The following SPATA9 variants were observed in gnomAD, a reference collection of about 807,000 sequenced individuals.
SPATA9 encodes the protein spermatogenesis associated 9.
SPATA9 carries 27 observed loss-of-function variants against 25.5 expected under a neutral mutation model. The observed-to-expected ratio is 1.06, with a 90% CI of 0.78 to 1.46. The LOEUF is 1.46. Among genes scored for constraint, SPATA9 ranks in the 40% most tolerant of loss-of-function variants. The probability of loss-of-function intolerance (pLI) is 0.00; values close to 1 mark genes in which losing one functional copy is unlikely to be tolerated. For synonymous variants in SPATA9, 102 were observed against 105.7 expected, an observed-to-expected ratio of 0.97 and a Z score of 0.21; for missense variants, 282 against 297.5, an observed-to-expected ratio of 0.95 and a Z score of 0.38.
At chr5:95,677,311 A>G (rs1753028537) in intron 2 of SPATA9, among the ~76,000 whole-genome samples, 1 of 152,222 alleles carries the variant, frequency 6.6e-6, no homozygotes, top group South Asian at 2.1e-4. Flanking sequence ...CTGGCATGTA[A>G]TACGCACTCT....
intron 3 of SPATA9, among the ~76,000 whole-genome samples, chr5:95,673,231 G>A (rs914386546): frequency 6.6e-6 from 1 of 152,198 alleles, no homozygotes; most frequent in Non-Finnish European, 1.5e-5. Flanking sequence ...GCAACGTACT[G>A]TGTGCACAGG....
chr5:95,662,647 TC>T (rs1751372527), intron 4 of SPATA9, among the ~76,000 whole-genome samples: 1 of 151,538 alleles, frequency 6.6e-6, no homozygotes, highest in African/African-American at 2.4e-5. Flanking sequence ...CCATATATAA[TC>T]AAAAAAGGAC....
At position 95,675,397 on chromosome 5, in the gene SPATA9, G is replaced by A; in HGVS notation, c.378+15C>T. On this transcript the variant is annotated intron_variant, in intron 3 of 4. Transcript: ENST00000274432. ...CTTAAAAAAGGGGAATTGTGCATAT[G>A]CAGTATTCCCTTACCTGAATGTTAT... The A allele has an allele frequency of 2.5e-6, 4 of 1,591,216 alleles. No individual in the cohort carries two copies. Among genetic ancestry groups the A allele is most frequent in the East Asian group, 4.5e-5 (2 of 44,700 alleles).
intron 3 of SPATA9, among the ~76,000 whole-genome samples, chr5:95,665,337 T>C (rs1751679524): frequency 6.6e-6 from 1 of 152,222 alleles, no homozygotes; most frequent in Non-Finnish European, 1.5e-5. Flanking sequence ...TTTGTACCCA[T>C]TTAACAACCT....
the SPATA9 span, among the ~76,000 whole-genome samples, chr5:95,712,645 G>T: frequency 6.6e-6 from 1 of 152,168 alleles, no homozygotes; most frequent in Non-Finnish European, 1.5e-5. Flanking sequence ...GATGATTCCA[G>T]CCTGAGTCAC....
the SPATA9 span, among the ~76,000 whole-genome samples, chr5:95,720,367 G>A: frequency 6.6e-6 from 1 of 152,142 alleles, no homozygotes; most frequent in African/African-American, 2.4e-5. Flanking sequence ...AGATTATGAT[G>A]GGGATCATTA....
chr5:95,670,986 T>G (rs1227688086), intron 3 of SPATA9: 29 of 788,960 alleles, frequency 3.7e-5, no homozygotes, highest in Non-Finnish European at 4.5e-5. Context: ...ACGTAAAGCT[T>G]CTTCCTAACC....
chr5:95,657,851 T>C (rs542765986), downstream of SPATA9: 2 of 152,318 alleles, frequency 1.3e-5, no homozygotes, highest in African/African-American at 4.8e-5. Context: ...TTCTATCATG[T>C]GATAATCCTT....
At chr5:95,682,348 C>G (rs1028955553) in intron 2 of SPATA9, among the ~76,000 whole-genome samples, 180 bp downstream of exon 2, 1 of 152,148 alleles carries the variant, frequency 6.6e-6, no homozygotes, top group African/African-American at 2.4e-5. Context: ...TCCACAATCT[C>G]TCTGCTTCCC....
chr5:95,688,566 G>C (rs776352102), intron 1 of SPATA9, among the ~76,000 whole-genome samples: 1 of 152,086 alleles, frequency 6.6e-6, no homozygotes, highest in Non-Finnish European at 1.5e-5. Flanking sequence ...TGCATTTTAC[G>C]CAATGTAGAT....
the SPATA9 span, chr5:95,731,882 G>A: frequency 1.9e-6 from 3 of 1,613,242 alleles, no homozygotes; most frequent in Non-Finnish European, 2.5e-6. Context: ...GTGGCGCTGG[G>A]GAACGAGGGG....
At chr5:95,703,710 A>G (rs945908958), upstream of SPATA9, among the ~76,000 whole-genome samples, 1 of 152,180 alleles carries the variant, frequency 6.6e-6, no homozygotes, top group Admixed American at 6.5e-5. Context: ...ATAAAAATAT[A>G]TGGAAATGTA....
Position 95,675,470 on chromosome 5 carries a change from A to T in SPATA9, c.320T>A (p.Ile107Lys). The T allele has an allele frequency of 6.2e-7, 1 of 1,614,176 alleles. No individual in the cohort carries two copies. Among genetic ancestry groups the T allele is most frequent in the South Asian group, 1.1e-5 (1 of 91,092 alleles). The change falls in exon 3 of 5, where the codon ATA (isoleucine) becomes AAA (lysine). Residue 107 changes from isoleucine to lysine, a missense_variant. By Grantham distance (102) the Ile-to-Lys change is moderately radical. Coordinates refer to ENST00000274432, the MANE Select transcript of SPATA9 (RefSeq NM_031952.4). ...LACRLLELRD[I>K]SGRLLREVNA... ...AACTTCCCTCAGCAGACGACCAGATATGTCCCTTAGCTCTAAAAGTCTGCA... is the reference window on the plus strand; with the variant it reads ...AACTTCCCTCAGCAGACGACCAGATTTGTCCCTTAGCTCTAAAAGTCTGCA...
intron 3 of SPATA9, among the ~76,000 whole-genome samples, chr5:95,674,020 A>C (rs1752675447): frequency 6.6e-6 from 1 of 152,168 alleles, no homozygotes; most frequent in African/African-American, 2.4e-5. Flanking sequence ...GATTACAGGC[A>C]TGAGCCACAG....
chr5:95,692,810 A>G (rs1753923901), intron 1 of SPATA9, among the ~76,000 whole-genome samples: 1 of 152,136 alleles, frequency 6.6e-6, no homozygotes, highest in African/African-American at 2.4e-5. Flanking sequence ...GGTCTATAAA[A>G]TCTCCACTTT....
At chr5:95,682,311 T>G (rs569539830) in intron 2 of SPATA9, among the ~76,000 whole-genome samples, 4 of 152,296 alleles carry the variant, frequency 2.6e-5, no homozygotes, top group Admixed American at 6.5e-5. Context: ...TCTTTAAACT[T>G]AATTCTCAAT....
At chr5:95,686,705 G>T (rs1011924387), upstream of SPATA9, among the ~76,000 whole-genome samples, 1 of 152,116 alleles carries the variant, frequency 6.6e-6, no homozygotes, top group Non-Finnish European at 1.5e-5. Context: ...CCCTCCTGGG[G>T]GGGTAACTCA....
downstream of SPATA9, chr5:95,656,445 T>G: frequency 1.6e-6 from 1 of 642,748 alleles, no homozygotes; most frequent in East Asian, 2.7e-5. Context: ...TTGAGAGGTT[T>G]AAGAGCACAC....
chr5:95,658,666 TG>T lies in SPATA9; in HGVS notation c.721del (p.His241IlefsTer10). The T allele has an allele frequency of 6.2e-7, 1 of 1,613,714 alleles. No homozygotes were observed. Among genetic ancestry groups the T allele is most frequent in the Non-Finnish European group, 8.5e-7 (1 of 1,179,842 alleles). On this transcript the variant is annotated frameshift_variant, in exon 5 of 5. Transcript: ENST00000274432. LOFTEE classifies it high-confidence loss of function. ...NKQSNNIQVL[H>X]SVFDQSAEMN... The stretch of plus-strand genomic sequence containing the variant: ...TTCAGCTGATTGGTCAAACACAGAA[TG>T]TAAAACTTGGATGTTATTACTCTGC...
Sources: allele counts gnomAD v4.1 joint callset (sites outside exome capture counted in the v4.1 genomes callset), GRCh38; gene constraint gnomAD v4.1.1; transcripts MANE v1.5; gene names NCBI Gene and HGNC (gene_info 2026-07-23, HGNC 2026-07-21).